The following EIF3L variants were observed in gnomAD, a reference collection of about 807,000 sequenced individuals.
The protein encoded by EIF3L is eIEF associated protein HSPC021.
In EIF3L, 32 loss-of-function variants were observed where a neutral mutation model predicts 74.6. The observed-to-expected ratio is 0.43, with a 90% CI of 0.32 to 0.58. The LOEUF (loss-of-function observed/expected upper bound fraction) is 0.58. EIF3L is among the 20% of genes least tolerant of loss of function. EIF3L has a pLI of 0.06. For missense variants in EIF3L, 474 were observed against 707.8 expected (o/e 0.67, Z 3.75); for synonymous variants, 256 against 254.4 (o/e 1.01, Z -0.06).
At chr22:37,887,176 C>T (rs1601788605) in intron 12 of EIF3L, 1 of 205,770 alleles carries the variant, frequency 4.9e-6, no homozygotes, top group Non-Finnish European at 1.0e-5. Flanking sequence ...TGATCCAGTC[C>T]GTCTCAGCTT....
chr22:37,851,534 G>A, intron 3 of EIF3L, 44 bp downstream of exon 3: 2 of 1,316,992 alleles, frequency 1.5e-6, no homozygotes, highest in Non-Finnish European at 2.0e-6. Flanking sequence ...GGTGGGACTG[G>A]CCTGGTAATA....
At position 37,849,470 on chromosome 22, in the gene EIF3L, TTA is replaced by T; in HGVS notation, c.23_24del (p.Tyr8Ter). The stretch of plus-strand genomic sequence containing the variant: ...CAGCCATGTCTTATCCCGCTGATGA[TTA>T]TGAGTCTGAGGTAAGGTGGCCGTAA... The part of the protein sequence containing the change: MSYPADD[Y>X]ESEAAYDPYA... On this transcript the variant is annotated frameshift_variant, in exon 1 of 13. Coordinates refer to ENST00000652021, the MANE Select transcript of EIF3L (RefSeq NM_016091.4). LOFTEE classifies it high-confidence loss of function. 1 of 1,610,680 alleles carries T rather than the reference TTA, an allele frequency of 6.2e-7. No individual in the cohort carries two copies. Among genetic ancestry groups the T allele is most frequent in the Non-Finnish European group, 8.5e-7 (1 of 1,177,946 alleles).
At chr22:37,864,951 C>A (rs1926068263) in intron 7 of EIF3L, among the ~76,000 whole-genome samples, 1 of 152,202 alleles carries the variant, frequency 6.6e-6, no homozygotes, top group South Asian at 2.1e-4. Context: ...TGCTGAGATA[C>A]TACGTATAGA....
intron 11 of EIF3L, 176 bp from the exon 12 acceptor site, chr22:37,886,589 A>G (rs1927333723): frequency 2.4e-6 from 1 of 424,966 alleles, no homozygotes; most frequent in Non-Finnish European, 4.3e-6. Context: ...GAAAAGAAAA[A>G]CTCTCTAGAA....
In EIF3L at chr22:37,849,458, T is replaced by C; in HGVS notation, c.9T>C (p.Tyr3=). Residue 3 remains tyrosine, a synonymous_variant, in exon 1 of 13, where the codon TAT becomes TAC. Coordinates refer to ENST00000652021, the MANE Select transcript of EIF3L (RefSeq NM_016091.4). MS[Y]PADDYESEAA... ...TCGCAAGCGAGGCAGCCATGTCTTA[T>C]CCCGCTGATGATTATGAGTCTGAGG... 3 of 1,612,812 alleles carry C rather than the reference T, an allele frequency of 1.9e-6. No individual in the cohort carries two copies. The highest frequency in any genetic ancestry group is 2.5e-6 in the Non-Finnish European group (3 of 1,179,310).
At chr22:37,886,613 G>C (rs568145941) in intron 11 of EIF3L, 152 bp from the exon 12 acceptor site, 6 of 522,160 alleles carry the variant, frequency 1.1e-5, no homozygotes, top group African/African-American at 4.0e-5. Flanking sequence ...GTGAGTTACT[G>C]TTAACTGGTG....
At chr22:37,866,643 G>A (rs563767675) in intron 7 of EIF3L, among the ~76,000 whole-genome samples, 8 of 152,114 alleles carry the variant, frequency 5.3e-5, no homozygotes, top group East Asian at 1.9e-4. Flanking sequence ...AAAATCAGCC[G>A]GGCGTGGTGG....
intron 7 of EIF3L, 42 bp from the exon 8 acceptor site, chr22:37,870,134 G>C: frequency 1.1e-5 from 17 of 1,528,308 alleles, no homozygotes; most frequent in Non-Finnish European, 1.5e-5. Context: ...TGATCACTTT[G>C]GGCTTATACC....
intron 12 of EIF3L, chr22:37,887,314 AAAAAAG>A (rs1244905510): frequency 6.6e-6 from 1 of 152,208 alleles, no homozygotes; most frequent in African/African-American, 2.4e-5. Context: ...CAAGAAAAAA[AAAAAAG>A]AAAAAGAGGC....
chr22:37,863,925 C>T (rs1926002835), intron 7 of EIF3L, among the ~76,000 whole-genome samples: 1 of 151,946 alleles, frequency 6.6e-6, no homozygotes, highest in African/African-American at 2.4e-5. Flanking sequence ...ATTAGCCGGG[C>T]GTGGTGGCAG....
At chr22:37,875,634 A>G (rs577582033) in intron 9 of EIF3L, among the ~76,000 whole-genome samples, 1 of 152,278 alleles carries the variant, frequency 6.6e-6, no homozygotes, top group Admixed American at 6.5e-5. Context: ...CTGATCCAGA[A>G]CCTTCTTGTT....
At chr22:37,850,493 T>G in intron 2 of EIF3L, 1 of 222,272 alleles carries the variant, frequency 4.5e-6, no homozygotes, top group South Asian at 4.4e-5. Context: ...CCCACCACCA[T>G]TCCCAGCTAA....
chr22:37,858,007 CA>C, intron 4 of EIF3L, among the ~76,000 whole-genome samples: 1 of 151,642 alleles, frequency 6.6e-6, no homozygotes, highest in Non-Finnish European at 1.5e-5. Context: ...CCCTTCTCTA[CA>C]AAAAATTTTT....
intron 8 of EIF3L, among the ~76,000 whole-genome samples, chr22:37,873,457 C>G (rs1408187211): frequency 6.6e-6 from 1 of 151,862 alleles, no homozygotes; most frequent in East Asian, 1.9e-4. Context: ...ACCACCATGC[C>G]CGGCTAATTT....
chr22:37,849,763 C>T, intron 1 of EIF3L: 1 of 606,546 alleles, frequency 1.6e-6, no homozygotes, highest in Non-Finnish European at 2.9e-6. Flanking sequence ...TTGGTCTAGG[C>T]TCCGTCTGGT....
chr22:37,854,017 T>C (rs966820431), intron 3 of EIF3L, among the ~76,000 whole-genome samples: 1 of 152,260 alleles, frequency 6.6e-6, no homozygotes, highest in African/African-American at 2.4e-5. Context: ...GCTATTGCAT[T>C]GGGCAGTGCC....
chr22:37,877,663 C>T lies in EIF3L; in HGVS notation c.1078-11C>T. 6.3e-7 allele frequency: 1 copy of T among 1,583,946 alleles called. No individual in the cohort carries two copies. The highest frequency in any genetic ancestry group is 1.3e-5 in the African/African-American group (1 of 74,632). On this transcript the variant is annotated splice_polypyrimidine_tract_variant and intron_variant, in intron 10 of 12. Coordinates refer to ENST00000652021, the MANE Select transcript of EIF3L (RefSeq NM_016091.4). Reference sequence around the variant, plus strand: ...CATTTGACCCAGTACCACTCTCCACCCCATCCCCAGATTAACAAGCAGAAT... The same window carrying T: ...CATTTGACCCAGTACCACTCTCCACTCCATCCCCAGATTAACAAGCAGAAT...
chr22:37,870,183 C>A lies in EIF3L; in HGVS notation c.587C>A (p.Ser196Ter). The change falls in exon 8 of 13, where the codon TCA (serine) becomes TAA (stop). Residue 196 changes from serine to a stop codon, truncating the protein, a stop_gained. Coordinates refer to ENST00000652021, the MANE Select transcript of EIF3L (RefSeq NM_016091.4). LOFTEE classifies it high-confidence loss of function. Reference protein sequence around the residue: ...IIDEFIYQFQSFSQYRCKTAK... With the variant: ...IIDEFIYQFQ ...TCTTTTCTTCCTCAACAGTTTCAGTCATTCAGTCAGTACCGCTGTAAGACT... is the reference window on the plus strand; with the variant it reads ...TCTTTTCTTCCTCAACAGTTTCAGTAATTCAGTCAGTACCGCTGTAAGACT... 1 of 1,600,122 alleles carries A rather than the reference C, an allele frequency of 6.2e-7. No homozygotes were observed. Among genetic ancestry groups the A allele is most frequent in the South Asian group, 1.1e-5 (1 of 89,016 alleles).
rs776328263 is a variant in EIF3L, at chr22:37,886,747, CTG to C, written c.1576-15_1576-14del. 2.3e-5 allele frequency: 37 copies of C among 1,602,896 alleles called. No homozygotes were observed. Among genetic ancestry groups the C allele is most frequent in the South Asian group, 2.1e-4 (19 of 90,870 alleles). On this transcript the variant is annotated splice_polypyrimidine_tract_variant and intron_variant, in intron 11 of 12. Coordinates refer to ENST00000652021, the MANE Select transcript of EIF3L (RefSeq NM_016091.4). ...CCTCCACCTGGCTGCTCTTCCCTGA[CTG>C]TGCTTTCCCCCACAGGACATGATCC...
Sources: allele counts gnomAD v4.1 joint callset (sites outside exome capture counted in the v4.1 genomes callset), GRCh38; gene constraint gnomAD v4.1.1; transcripts MANE v1.5; gene names NCBI Gene and HGNC (gene_info 2026-07-23, HGNC 2026-07-21).